PHF21A: variants seen among roughly 807,000 people sequenced by gnomAD.
PHF21A encodes the protein BHC80a.
PHF21A carries 11 observed loss-of-function variants against 82.5 expected under a neutral mutation model. The ratio of observed to expected loss-of-function variants is 0.13; its 90% CI spans 0.08 to 0.22. PHF21A has a LOEUF of 0.22. PHF21A is among the 10% of genes least tolerant of loss of function. PHF21A has a pLI of 1.00. For synonymous variants in PHF21A, 297 were observed against 302.8 expected, an observed-to-expected ratio of 0.98 and a Z score of 0.20; for missense variants, 579 against 837.8, an observed-to-expected ratio of 0.69 and a Z score of 3.81.
chr11:46,096,507 T>A (rs1224697924), intron 1 of PHF21A, among the ~76,000 whole-genome samples: 3 of 152,122 alleles, frequency 2.0e-5, no homozygotes, highest in Non-Finnish European at 4.4e-5. Context: ...GAAAATAGTC[T>A]TCACTTCCTT....
chr11:45,977,373 G>A (rs1376309444), intron 7 of PHF21A, among the ~76,000 whole-genome samples: 2 of 152,144 alleles, frequency 1.3e-5, no homozygotes, highest in African/African-American at 2.4e-5. Flanking sequence ...CTGACCTAAA[G>A]TGATCCACCC....
At chr11:45,982,811 A>G (rs1203569294) in intron 6 of PHF21A, among the ~76,000 whole-genome samples, 1 of 152,244 alleles carries the variant, frequency 6.6e-6, no homozygotes, top group Non-Finnish European at 1.5e-5. Flanking sequence ...AGATCAAATC[A>G]GAAGAAGGAG....
At chr11:45,952,383 A>C (rs2135539165) in intron 11 of PHF21A, among the ~76,000 whole-genome samples, 1 of 152,342 alleles carries the variant, frequency 6.6e-6, no homozygotes, top group South Asian at 2.1e-4. Context: ...CTGGGACTAC[A>C]GACATGTGCT....
chr11:45,937,910 G>T (rs2089464413), intron 16 of PHF21A, among the ~76,000 whole-genome samples: 1 of 152,202 alleles, frequency 6.6e-6, no homozygotes, highest in African/African-American at 2.4e-5. Flanking sequence ...AAAGGGTCTT[G>T]ACTTTTAAAG....
intron 6 of PHF21A, among the ~76,000 whole-genome samples, chr11:46,027,469 C>T (rs1478721719): frequency 6.6e-6 from 1 of 152,204 alleles, no homozygotes; most frequent in African/African-American, 2.4e-5. Flanking sequence ...GAGCACCCTG[C>T]CCTTTCTGGG....
intron 6 of PHF21A, among the ~76,000 whole-genome samples, chr11:46,007,629 T>G (rs1248220259): frequency 6.6e-6 from 1 of 152,174 alleles, no homozygotes; most frequent in Non-Finnish European, 1.5e-5. Flanking sequence ...CTATCTTTTA[T>G]GATAGTTTTA....
chr11:46,058,732 A>G (rs2096493326), intron 6 of PHF21A, among the ~76,000 whole-genome samples: 1 of 152,142 alleles, frequency 6.6e-6, no homozygotes, highest in Non-Finnish European at 1.5e-5. Context: ...CCATGTCTGT[A>G]CTAGTAATAT....
intron 6 of PHF21A, among the ~76,000 whole-genome samples, chr11:46,037,583 C>T (rs1226249434): frequency 4.4e-5 from 6 of 136,808 alleles, no homozygotes; most frequent in African/African-American, 1.4e-4. Flanking sequence ...GCCTCTGTTG[C>T]GGTGAGCCGA....
intron 15 of PHF21A, among the ~76,000 whole-genome samples, chr11:45,944,628 T>C (rs930026362): frequency 1.3e-5 from 2 of 152,212 alleles, no homozygotes; most frequent in African/African-American, 2.4e-5. Context: ...CAGGATGCCA[T>C]GTACACTCCC....
Position 45,946,202 on chromosome 11 carries a change from G to T in PHF21A, c.1289-199C>A. 3 of 1,184,288 alleles carry T rather than the reference G, an allele frequency of 2.5e-6. No individual in the cohort carries two copies. The South Asian group carries it at 3.9e-5, about 15-fold the overall frequency. The allele number at this position is 1,184,288 out of a possible 1,614,324, so 73.4% of individuals were successfully genotyped here. On this transcript the variant is annotated intron_variant, in intron 14 of 18. Coordinates refer to ENST00000676320, the MANE Select transcript of PHF21A (RefSeq NM_001352027.3). ...TAAATGTCATTAGAAACAACTATAT[G>T]ACTCTCAAGAGAAGGGAGGATAAGA...
Position 45,938,235 on chromosome 11 carries a change from T to C in PHF21A, c.1530A>G (p.Val510=), listed in dbSNP as rs2089557342. 1 of 1,611,204 alleles carries C rather than the reference T, an allele frequency of 6.2e-7. No homozygotes were observed. Among genetic ancestry groups the C allele is most frequent in the African/African-American group, 1.3e-5 (1 of 74,914 alleles). ...GGGGGTCTAAGCAGTCCAAATGATA[T>C]ACACGGGAACATGTGTCGCACATCA... ...QLLMCDTCSR[V]YHLDCLDPPL... is the part of the protein sequence containing the mutation. Residue 510 remains valine, a synonymous_variant, in exon 16 of 19, where the codon GTA becomes GTG. Coordinates refer to ENST00000676320, the MANE Select transcript of PHF21A (RefSeq NM_001352027.3).
chr11:46,091,796 TC>T (rs1593102585), intron 2 of PHF21A, among the ~76,000 whole-genome samples: 1 of 151,874 alleles, frequency 6.6e-6, no homozygotes, highest in African/African-American at 2.4e-5. Flanking sequence ...CAAGCCATCC[TC>T]CTGCCTCAGC....
At position 45,945,966 on chromosome 11, in the gene PHF21A, T is replaced by C. The variant is rs2091228358; in HGVS notation, c.1326A>G (p.Gly442=). 1 of 1,613,486 alleles carries C rather than the reference T, an allele frequency of 6.2e-7. No homozygotes were observed. Among genetic ancestry groups the C allele is most frequent in the East Asian group, 2.2e-5 (1 of 44,854 alleles). The stretch of plus-strand genomic sequence containing the variant: ...ATTGGGGGGATGTTGGGGTAAGGGC[T>C]CCAAACCCCAGCACTGCATTGTATT... ...PPKYNAVLGF[G]ALTPTSPQSS... is the part of the protein sequence containing the mutation. Residue 442 remains glycine (G), a synonymous_variant, in exon 15 of 19, where the codon GGA becomes GGG. Coordinates refer to ENST00000676320, the MANE Select transcript of PHF21A (RefSeq NM_001352027.3).
rs545992015 is a variant in PHF21A at position 46,082,770 on chromosome 11, C to T, written c.54+1396G>A. 3.9e-5 allele frequency among the ~76,000 whole-genome samples: 6 copies of T among 152,120 alleles called. No homozygotes were observed. The Middle Eastern group carries it at 0.014, about 345-fold the overall frequency. On this transcript the variant is annotated intron_variant, in intron 4 of 18. Coordinates refer to ENST00000676320, the MANE Select transcript of PHF21A (RefSeq NM_001352027.3). ...GTATGCTTGAATTCAGAATATGAAA[C>T]AAAATATTTAGTAATTAACTTCAAT...
intron 6 of PHF21A, among the ~76,000 whole-genome samples, chr11:45,988,498 C>A (rs921695813): frequency 7.9e-5 from 12 of 152,086 alleles, no homozygotes; most frequent in African/African-American, 2.9e-4. Context: ...GTATTTTTAA[C>A]AAAAGTACAT....
chr11:46,036,834 G>A (rs1205140871), intron 6 of PHF21A, among the ~76,000 whole-genome samples: 1 of 152,072 alleles, frequency 6.6e-6, no homozygotes, highest in South Asian at 2.1e-4. Flanking sequence ...TGCAAATAAT[G>A]ATGATATACA....
At chr11:46,028,933 C>T (rs2138199634) in intron 6 of PHF21A, among the ~76,000 whole-genome samples, 1 of 152,262 alleles carries the variant, frequency 6.6e-6, no homozygotes, top group South Asian at 2.1e-4. Flanking sequence ...TACTATGCCC[C>T]AAAGGACTAT....
chr11:46,076,006 T>C (rs1431717367), intron 6 of PHF21A, among the ~76,000 whole-genome samples: 1 of 152,196 alleles, frequency 6.6e-6, no homozygotes, highest in Non-Finnish European at 1.5e-5. Flanking sequence ...AAAACCACTC[T>C]TTCTAACCAG....
At chr11:46,059,342 A>G (rs889848629) in intron 6 of PHF21A, among the ~76,000 whole-genome samples, 5 of 152,248 alleles carry the variant, frequency 3.3e-5, no homozygotes, top group Non-Finnish European at 7.3e-5. Context: ...TTCCTGAAGA[A>G]TAATTGAGAA....
Sources: gnomAD v4.1 joint callset for allele counts (sites outside exome capture counted in the v4.1 genomes callset) on GRCh38, gnomAD v4.1.1 for gene constraint, MANE v1.5 for transcripts, NCBI Gene and HGNC (gene_info 2026-07-23, HGNC 2026-07-21) for gene names.